Variants in CEP83 observed in about 807,000 individuals in gnomAD.
The protein encoded by CEP83 is centrosomal protein of 83 kDa.
CEP83 carries 70 observed loss-of-function variants against 101.9 expected under a neutral mutation model. The observed-to-expected ratio is 0.69, with a 90% CI of 0.57 to 0.84. CEP83 has a LOEUF of 0.84. CEP83 is among the 40% of genes least tolerant of loss of function. CEP83 has a pLI of 0.00. For missense variants in CEP83, 715 were observed against 787.2 expected, an observed-to-expected ratio of 0.91 and a Z score of 1.10; for synonymous variants, 264 against 267.9, an observed-to-expected ratio of 0.99 and a Z score of 0.14.
At chr12:94,429,147 A>C (rs1246391701) in intron 2 of CEP83, among the ~76,000 whole-genome samples, 1 of 152,216 alleles carries the variant, frequency 6.6e-6, no homozygotes, top group Non-Finnish European at 1.5e-5. Flanking sequence ...GGAATTCAAC[A>C]AAGAGGTGAC....
At chr12:94,367,256 A>G (rs1221774433) in intron 11 of CEP83, among the ~76,000 whole-genome samples, 1 of 152,136 alleles carries the variant, frequency 6.6e-6, no homozygotes, top group Non-Finnish European at 1.5e-5. Context: ...AAGGGAAAAA[A>G]TAGTAATTTT....
chr12:94,298,485 T>C, the CEP83 span: 421 of 685,280 alleles, frequency 6.1e-4, 7 homozygotes, highest in South Asian at 8.3e-3. Context: ...CTGGCCACAT[T>C]TGACAATTTT....
chr12:94,343,782 C>T (rs1047718664), intron 11 of CEP83, among the ~76,000 whole-genome samples: 6 of 152,140 alleles, frequency 3.9e-5, no homozygotes, highest in African/African-American at 1.2e-4. Flanking sequence ...CGTGAGCCAC[C>T]GCGCCCAGCC....
At chr12:94,384,381 T>A (rs2062016659) in intron 6 of CEP83, among the ~76,000 whole-genome samples, 1 of 152,208 alleles carries the variant, frequency 6.6e-6, no homozygotes, top group African/African-American at 2.4e-5. Context: ...AGTTTTTTTT[T>A]AAACCTGACT....
intron 2 of CEP83, among the ~76,000 whole-genome samples, chr12:94,416,276 A>G (rs762081809): frequency 1.3e-5 from 2 of 152,164 alleles, no homozygotes; most frequent in African/African-American, 2.4e-5. Flanking sequence ...TAGGTATATG[A>G]CAAACGTAAG....
At chr12:94,304,225 C>T (rs986733077), downstream of CEP83, 14 of 526,334 alleles carry the variant, frequency 2.7e-5, no homozygotes, top group Admixed American at 6.9e-5. Flanking sequence ...ACATGGCTGC[C>T]CCCCTTACAG....
At chr12:94,424,159 G>T (rs2065003307) in intron 2 of CEP83, 25 of 1,603,102 alleles carry the variant, frequency 1.6e-5, no homozygotes, top group Non-Finnish European at 2.1e-5. Flanking sequence ...GCATCCTGTT[G>T]GGGGTGATGT....
At chr12:94,390,622 T>C (rs184053126) in intron 6 of CEP83, among the ~76,000 whole-genome samples, 31 of 152,318 alleles carry the variant, frequency 2.0e-4, no homozygotes, top group Admixed American at 2.0e-3. Context: ...GGACAGTGAA[T>C]GACTCTGACA....
intron 6 of CEP83, among the ~76,000 whole-genome samples, chr12:94,392,159 CT>C (rs1218151254): frequency 1.3e-5 from 2 of 152,212 alleles, no homozygotes; most frequent in Non-Finnish European, 2.9e-5. Context: ...ATCTACAGAA[CT>C]GTCCACCCCA....
At chr12:94,407,154 G>A (rs1390564674) in intron 4 of CEP83, among the ~76,000 whole-genome samples, 1 of 151,996 alleles carries the variant, frequency 6.6e-6, no homozygotes, top group African/African-American at 2.4e-5. Context: ...ACTTTAAGTG[G>A]TCTAATATTA....
intron 1 of CEP83, among the ~76,000 whole-genome samples, chr12:94,449,779 T>TAAAAAAAAAAAAAA (rs71071787): frequency 4.1e-5 from 2 of 48,568 alleles, no homozygotes; most frequent in East Asian, 6.8e-4. Flanking sequence ...TCTCAAACAA[T>TAAAAAAAAAAAAAA]AAAAAAAAAA....
At chr12:94,315,264 CT>C (rs1970493714) in intron 14 of CEP83, among the ~76,000 whole-genome samples, 1 of 152,086 alleles carries the variant, frequency 6.6e-6, no homozygotes, top group South Asian at 2.1e-4. Flanking sequence ...GGTCTTTTAG[CT>C]TTTGCATCCT....
At chr12:94,316,921 CCTTT>C (rs762665538) in intron 14 of CEP83, among the ~76,000 whole-genome samples, 2 of 151,958 alleles carry the variant, frequency 1.3e-5, no homozygotes, top group Non-Finnish European at 2.9e-5. Flanking sequence ...GATTTATATT[CCTTT>C]GAGTATATTT....
intron 11 of CEP83, among the ~76,000 whole-genome samples, chr12:94,343,450 G>A (rs906160971): frequency 2.8e-5 from 4 of 144,944 alleles, no homozygotes; most frequent in Non-Finnish European, 6.0e-5. Context: ...TGATCACAAT[G>A]CAATAAAGCT....
chr12:94,341,592 AGATTTTATG>A (rs1286924490), intron 11 of CEP83, among the ~76,000 whole-genome samples: 1 of 151,962 alleles, frequency 6.6e-6, no homozygotes, highest in Non-Finnish European at 1.5e-5. Flanking sequence ...TAATCCTGCT[AGATTTTATG>A]TTGGTTACTA....
chr12:94,443,157 T>C (rs2066536364), intron 1 of CEP83, among the ~76,000 whole-genome samples: 1 of 152,180 alleles, frequency 6.6e-6, no homozygotes, highest in African/African-American at 2.4e-5. Flanking sequence ...TTCAAACATT[T>C]TGCTGCCCCA....
At chr12:94,325,947 A>T (rs904568787) in intron 14 of CEP83, among the ~76,000 whole-genome samples, 1 of 152,196 alleles carries the variant, frequency 6.6e-6, no homozygotes, top group Non-Finnish European at 1.5e-5. Flanking sequence ...TGGTTTTTGT[A>T]TAATTCTTAG....
intron 2 of CEP83, among the ~76,000 whole-genome samples, chr12:94,422,953 G>A (rs1044253617): frequency 6.6e-6 from 1 of 152,174 alleles, no homozygotes. Context: ...TTTGGGGGTG[G>A]GTGGTGGTAA....
At chr12:94,343,505 C>T (rs1229252300) in intron 11 of CEP83, among the ~76,000 whole-genome samples, 3 of 88,648 alleles carry the variant, frequency 3.4e-5, no homozygotes, top group African/African-American at 4.9e-5. Flanking sequence ...TTTTTTGAGA[C>T]GGAGTCTCGC....
Sources: gnomAD v4.1 joint callset for allele counts (sites outside exome capture counted in the v4.1 genomes callset) on GRCh38, gnomAD v4.1.1 for gene constraint, MANE v1.5 for transcripts, NCBI Gene and HGNC (gene_info 2026-07-23, HGNC 2026-07-21) for gene names.